Variants in ZHX2 observed in about 807,000 individuals in gnomAD.
ZHX2 encodes zinc fingers and homeoboxes 2, also known as zinc fingers and homeoboxes protein 2.
Under a neutral mutation model 21.9 loss-of-function variants are expected in ZHX2, and 6 were observed. The ratio of observed to expected loss-of-function variants is 0.27; its 90% confidence interval spans 0.15 to 0.54. ZHX2 has a LOEUF of 0.54. Among genes scored for constraint, ZHX2 ranks in the 20% least tolerant of loss-of-function variants. ZHX2 has a pLI of 0.95. For missense variants in ZHX2, 908 were observed against 1,090.7 expected (o/e 0.83, Z 2.36); for synonymous variants, 434 against 437.1 (o/e 0.99, Z 0.09).
intron 2 of ZHX2, among the ~76,000 whole-genome samples, chr8:122,876,536 C>T (rs1357703313): frequency 6.6e-6 from 1 of 152,144 alleles, no homozygotes; most frequent in Non-Finnish European, 1.5e-5. Flanking sequence ...CCATTTGTTG[C>T]CAGAAAATGC....
chr8:122,800,849 C>T (rs1817706146), intron 1 of ZHX2, among the ~76,000 whole-genome samples: 1 of 152,162 alleles, frequency 6.6e-6, no homozygotes, highest in Admixed American at 6.5e-5. Flanking sequence ...GGGAGCTTGC[C>T]TGAAAGAGTT....
chr8:122,826,982 G>A (rs1333753928), intron 1 of ZHX2, among the ~76,000 whole-genome samples: 1 of 152,160 alleles, frequency 6.6e-6, no homozygotes, highest in Non-Finnish European at 1.5e-5. Flanking sequence ...GCCTAGGATG[G>A]ATGAATTTAG....
intron 1 of ZHX2, among the ~76,000 whole-genome samples, chr8:122,799,133 C>T (rs909824986): frequency 2.0e-5 from 3 of 152,150 alleles, no homozygotes; most frequent in South Asian, 4.1e-4. Context: ...CATGAAGGAG[C>T]GAGCATGACA....
intron 2 of ZHX2, among the ~76,000 whole-genome samples, chr8:122,916,918 C>G (rs1393824120): frequency 6.6e-6 from 1 of 152,078 alleles, no homozygotes; most frequent in Non-Finnish European, 1.5e-5. Flanking sequence ...CCTTCCTTTT[C>G]ATGCCTCTGT....
chr8:122,968,472 C>A (rs181636090), intron 3 of ZHX2, among the ~76,000 whole-genome samples: 4 of 152,176 alleles, frequency 2.6e-5, no homozygotes, highest in African/African-American at 9.7e-5. Flanking sequence ...CACATTTCCC[C>A]TTTTTAAATT....
chr8:122,938,966 A>C (rs1812773146), intron 2 of ZHX2, among the ~76,000 whole-genome samples: 1 of 152,230 alleles, frequency 6.6e-6, no homozygotes, highest in Non-Finnish European at 1.5e-5. Flanking sequence ...TAAAATTGTC[A>C]ACAGAGCTGG....
intron 1 of ZHX2, among the ~76,000 whole-genome samples, chr8:122,821,652 A>G (rs1201936993): frequency 6.6e-6 from 1 of 152,082 alleles, no homozygotes; most frequent in Non-Finnish European, 1.5e-5. Context: ...GCGGGTAGAC[A>G]TTAGAACTTG....
At chr8:122,847,298 G>T (rs192833291) in intron 1 of ZHX2, among the ~76,000 whole-genome samples, 1 of 152,180 alleles carries the variant, frequency 6.6e-6, no homozygotes, top group Non-Finnish European at 1.5e-5. Flanking sequence ...TCCCCACTGA[G>T]GGGGGTTGAG....
intron 1 of ZHX2, among the ~76,000 whole-genome samples, chr8:122,793,931 T>C (rs183824171): frequency 1.3e-5 from 2 of 152,310 alleles, no homozygotes; most frequent in East Asian, 3.9e-4. Context: ...ACACCCTGAG[T>C]GTGGGCCATC....
At chr8:122,822,902 G>A (rs967279501) in intron 1 of ZHX2, among the ~76,000 whole-genome samples, 1 of 152,234 alleles carries the variant, frequency 6.6e-6, no homozygotes, top group South Asian at 2.1e-4. Context: ...AGGCTGGAAG[G>A]CTTGCTGCAA....
chr8:122,837,257 C>T (rs4871314), intron 1 of ZHX2, among the ~76,000 whole-genome samples: 2,541 of 152,204 alleles, frequency 0.017, 43 homozygotes, highest in Non-Finnish European at 0.02. Flanking sequence ...TATGGACTCG[C>T]CCTGAATTCT....
At chr8:122,797,018 G>A (rs749696936) in intron 1 of ZHX2, among the ~76,000 whole-genome samples, 1 of 152,134 alleles carries the variant, frequency 6.6e-6, no homozygotes, top group African/African-American at 2.4e-5. Context: ...TTCACTTAAC[G>A]ATCCTCAATA....
intron 1 of ZHX2, among the ~76,000 whole-genome samples, chr8:122,835,203 A>G (rs113790691): frequency 0.071 from 10,833 of 152,316 alleles, 662 homozygotes; most frequent in African/African-American, 0.17. Context: ...AGGCAGAAGG[A>G]AACATGAACT....
chr8:122,942,747 T>A (rs1812877398), intron 2 of ZHX2, among the ~76,000 whole-genome samples: 1 of 152,230 alleles, frequency 6.6e-6, no homozygotes, highest in Admixed American at 6.5e-5. Context: ...TTCCAGGGGC[T>A]GCTCTGGCAG....
Position 122,952,578 on chromosome 8 carries a change from G to T in ZHX2, c.1068G>T (p.Lys356Asn). The stretch of plus-strand genomic sequence containing the variant: ...TGCCCGCCCAGTTGGCCCCCACAAA[G>T]GTGACGCAGCCCATCCTCCAGACGG... ...TVLPAQLAPT[K>N]VTQPILQTAL... Residue 356 changes from lysine to asparagine, a missense_variant, in exon 3 of 4, where the codon AAG becomes AAT. Around this residue, in one of 4 missense-constraint regions of ZHX2, gnomAD observed 232 missense variants for 361.8 expected, o/e 0.64. Transcript: ENST00000314393. The surrounding 1 kb of genome is among the most constrained non-coding windows in gnomAD (Gnocchi z 6.9). 1 of 1,614,150 alleles carries T rather than the reference G, an allele frequency of 6.2e-7. No homozygotes were observed.
At chr8:122,936,787 C>G (rs996595398) in intron 2 of ZHX2, among the ~76,000 whole-genome samples, 1 of 152,192 alleles carries the variant, frequency 6.6e-6, no homozygotes, top group African/African-American at 2.4e-5. Context: ...TCTCCTCCGT[C>G]GTGGCGAGAT....
rs987432853 is a variant in ZHX2 at position 122,947,507 on chromosome 8, G to T, written c.-219-3785G>T. On this transcript the variant is annotated intron_variant, in intron 2 of 3. Transcript: ENST00000314393. ...AGTGGCTACCATATTGGGCAGAATG[G>T]TTCTGCACAGAGATACAAATGATAA... 5.5e-4 allele frequency among the ~76,000 whole-genome samples: 83 copies of T among 152,214 alleles called. 2 individuals carry two copies. Among genetic ancestry groups the T allele is most frequent in the African/African-American group, 1.9e-3 (80 of 41,462 alleles).
chr8:122,835,212 C>T (rs1195045189), intron 1 of ZHX2, among the ~76,000 whole-genome samples: 1 of 152,232 alleles, frequency 6.6e-6, no homozygotes, highest in East Asian at 1.9e-4. Context: ...GAAACATGAA[C>T]TCTAACAATA....
At chr8:122,919,061 A>T (rs1820674441) in intron 2 of ZHX2, among the ~76,000 whole-genome samples, 1 of 152,126 alleles carries the variant, frequency 6.6e-6, no homozygotes, top group African/African-American at 2.4e-5. Context: ...TCATTTTGTA[A>T]CATCTGTTGC....
Sources: gnomAD v4.1 joint callset for allele counts (sites outside exome capture counted in the v4.1 genomes callset) on GRCh38, gnomAD v4.1.1 for gene constraint, gnomAD v4.1.1 regional missense constraint, Gnocchi (gnomAD v3.1) non-coding constraint, MANE v1.5 for transcripts, NCBI Gene and HGNC (gene_info 2026-07-23, HGNC 2026-07-21) for gene names.